Variants in DSCAM observed in about 807,000 individuals in gnomAD.
DSCAM encodes DS cell adhesion molecule.
DSCAM carries 47 observed loss-of-function variants against 217.7 expected under a neutral mutation model. The observed-to-expected ratio is 0.22, with a 90% CI of 0.17 to 0.28. DSCAM has a LOEUF of 0.28. DSCAM is among the 10% of genes least tolerant of loss of function. The pLI, the probability that DSCAM is intolerant of heterozygous loss-of-function variation, is 1.00. For missense variants in DSCAM, 2,080 were observed against 2,618.3 expected (o/e 0.79, Z 4.49); for synonymous variants, 1,056 against 1,015.3 (o/e 1.04, Z -0.76).
intron 3 of DSCAM, among the ~76,000 whole-genome samples, chr21:40,606,696 G>C (rs1488585452): frequency 6.6e-6 from 1 of 152,236 alleles, no homozygotes; most frequent in African/African-American, 2.4e-5. Context: ...TCACAGCTCA[G>C]AGCAAATGTA....
intron 1 of DSCAM, among the ~76,000 whole-genome samples, chr21:40,797,985 T>C (rs2091706620): frequency 1.3e-5 from 2 of 152,142 alleles, no homozygotes; most frequent in South Asian, 4.1e-4. Flanking sequence ...ACATTACTTT[T>C]TTTAGGTATT....
At chr21:40,054,674 A>T (rs1012821803) in intron 29 of DSCAM, among the ~76,000 whole-genome samples, 1 of 152,202 alleles carries the variant, frequency 6.6e-6, no homozygotes, top group African/African-American at 2.4e-5. Flanking sequence ...TTCCATGGGC[A>T]CTCAAAAGCT....
At chr21:40,065,128 T>C (rs1353798528) in intron 27 of DSCAM, among the ~76,000 whole-genome samples, 1 of 151,234 alleles carries the variant, frequency 6.6e-6, no homozygotes, top group Non-Finnish European at 1.5e-5. Context: ...CAAGGAGGAG[T>C]TGCAGGGAGT....
intron 11 of DSCAM, among the ~76,000 whole-genome samples, chr21:40,243,165 C>A (rs1435762276): frequency 1.3e-5 from 2 of 152,152 alleles, no homozygotes; most frequent in African/African-American, 4.8e-5. Context: ...GACTTTGGAA[C>A]ATGAAAGCTC....
At chr21:40,790,126 C>T (rs1470478516) in intron 1 of DSCAM, among the ~76,000 whole-genome samples, 2 of 152,022 alleles carry the variant, frequency 1.3e-5, no homozygotes, top group East Asian at 1.9e-4. Context: ...CTCACAGGAG[C>T]CATACACCTT....
In DSCAM at chr21:40,062,987, C is replaced by T. The variant is rs1194576438; in HGVS notation, c.4889-88G>A. The T allele has an allele frequency of 5.0e-6, 6 of 1,203,732 alleles. No homozygotes were observed. In the East Asian group the frequency reaches 8.1e-5, roughly 16 times the overall value. 74.6% of individuals were successfully genotyped at this position (1,203,732 alleles called of 1,614,324 possible). On this transcript the variant is annotated intron_variant, in intron 27 of 32. Transcript: ENST00000400454. ...TATGACAAATACTCTACAGTCAGAT[C>T]AGAACAGTCATTTTGAAACACAATC...
intron 3 of DSCAM, among the ~76,000 whole-genome samples, chr21:40,545,859 C>T (rs958368994): frequency 6.6e-6 from 1 of 152,186 alleles, no homozygotes; most frequent in Non-Finnish European, 1.5e-5. Flanking sequence ...ACTGAGAAAA[C>T]CAGTGACTGG....
chr21:40,209,871 C>A (rs1601443369), intron 11 of DSCAM, among the ~76,000 whole-genome samples: 2 of 152,336 alleles, frequency 1.3e-5, no homozygotes, highest in Admixed American at 1.3e-4. Flanking sequence ...AGGGCTCTGC[C>A]AGACTCAGCT....
At chr21:40,760,821 C>T (rs1000863259) in intron 1 of DSCAM, among the ~76,000 whole-genome samples, 1 of 152,212 alleles carries the variant, frequency 6.6e-6, no homozygotes, top group Non-Finnish European at 1.5e-5. Context: ...CCCCTTTCTG[C>T]ACCTGGCACC....
intron 2 of DSCAM, among the ~76,000 whole-genome samples, chr21:40,707,571 T>G (rs1179847765): frequency 6.6e-6 from 1 of 152,180 alleles, no homozygotes; most frequent in Non-Finnish European, 1.5e-5. Context: ...CAGCACCTAC[T>G]CACTTACTGA....
intron 3 of DSCAM, among the ~76,000 whole-genome samples, chr21:40,481,211 C>T (rs188207474): frequency 1.4e-4 from 22 of 152,226 alleles, no homozygotes; most frequent in Non-Finnish European, 2.9e-4. Flanking sequence ...AAGAACAGGC[C>T]GGGTGCGGTA....
At chr21:40,146,292 G>C (rs1173726888) in intron 16 of DSCAM, among the ~76,000 whole-genome samples, 1 of 151,992 alleles carries the variant, frequency 6.6e-6, no homozygotes, top group African/African-American at 2.4e-5. Context: ...GCACGGCTCA[G>C]AGAAGTAGAA....
At chr21:40,334,573 A>G (rs1229207321) in intron 8 of DSCAM, among the ~76,000 whole-genome samples, 1 of 152,116 alleles carries the variant, frequency 6.6e-6, no homozygotes, top group Non-Finnish European at 1.5e-5. Flanking sequence ...ACTTTCCAAC[A>G]GGTCATTCTA....
At chr21:40,564,376 C>T (rs191082604) in intron 3 of DSCAM, among the ~76,000 whole-genome samples, 6 of 152,278 alleles carry the variant, frequency 3.9e-5, no homozygotes, top group Non-Finnish European at 8.8e-5. Flanking sequence ...AGTAACTAAT[C>T]TTCAGAGTAA....
At chr21:40,626,192 C>A (rs1487632709) in intron 3 of DSCAM, among the ~76,000 whole-genome samples, 1 of 152,034 alleles carries the variant, frequency 6.6e-6, no homozygotes, top group Non-Finnish European at 1.5e-5. Context: ...TTGCGCAACC[C>A]AGGAATATTC....
chr21:40,173,682 T>C (rs956938664), intron 15 of DSCAM, among the ~76,000 whole-genome samples: 5 of 152,104 alleles, frequency 3.3e-5, no homozygotes, highest in African/African-American at 1.2e-4. Context: ...CTGCCCTCAT[T>C]CCATCCTCTC....
intron 3 of DSCAM, among the ~76,000 whole-genome samples, chr21:40,467,545 A>T (rs1391909105): frequency 6.6e-6 from 1 of 152,184 alleles, no homozygotes; most frequent in African/African-American, 2.4e-5. Flanking sequence ...AAAATTGATT[A>T]AAAAATAACG....
At chr21:40,404,296 T>C (rs118174747) in intron 3 of DSCAM, among the ~76,000 whole-genome samples, 283 of 152,348 alleles carry the variant, frequency 1.9e-3, no homozygotes, top group Non-Finnish European at 3.6e-3. Flanking sequence ...ACAGTTAAGA[T>C]ACTGTTTCAG....
In DSCAM at chr21:40,187,908, A is replaced by G; in HGVS notation, c.2633T>C (p.Ile878Thr). 6.2e-7 allele frequency: 1 copy of G among 1,614,106 alleles called. No individual in the cohort carries two copies. The highest frequency in any genetic ancestry group is 8.5e-7 in the Non-Finnish European group (1 of 1,179,948). Residue 878 changes from isoleucine (I) to threonine (T), a missense_variant, in exon 13 of 33, where the codon ATT (isoleucine) becomes ACT (threonine). Physicochemically the swap from Ile to Thr is moderately conservative, Grantham distance 89. Transcript: ENST00000400454. ...INSYGEDRGI[I>T]QLTVQEPPDP... The stretch of plus-strand genomic sequence containing the variant: ...CTTCCTACCTTGCACTGTGAGCTGA[A>G]TTATTCCACGGTCCTCCCCATAAGA...
Sources: allele counts gnomAD v4.1 joint callset (sites outside exome capture counted in the v4.1 genomes callset), GRCh38; gene constraint gnomAD v4.1.1; transcripts MANE v1.5; gene names NCBI Gene and HGNC (gene_info 2026-07-23, HGNC 2026-07-21).